The following NR1D2 variants were observed in gnomAD, a reference collection of about 807,000 sequenced individuals.
NR1D2 encodes the protein nuclear receptor subfamily 1 group D member 2, also known as V-erbA-related protein 1-related.
NR1D2 carries 25 observed loss-of-function variants against 52.2 expected under a neutral mutation model. The observed-to-expected ratio is 0.48, with a 90% confidence interval of 0.35 to 0.67. The LOEUF (loss-of-function observed/expected upper bound fraction) is 0.67. Ranked by LOEUF, NR1D2 falls within the 30% of genes least tolerant of loss-of-function variation. The pLI is 0.01. For missense variants in NR1D2, 681 were observed against 707.2 expected (o/e 0.96, Z 0.42); for synonymous variants, 259 against 230.1 (o/e 1.13, Z -1.14).
chr3:23,956,166 A>G, intron 3 of NR1D2, 41 bp downstream of exon 3: 1 of 1,506,912 alleles, frequency 6.6e-7, no homozygotes, highest in African/African-American at 1.4e-5. Context: ...TGATTCTGGG[A>G]TTTAAGAAGT....
chr3:23,953,231 T>C (rs1705990734), intron 1 of NR1D2, among the ~76,000 whole-genome samples: 1 of 149,590 alleles, frequency 6.7e-6, no homozygotes, highest in Non-Finnish European at 1.5e-5. Flanking sequence ...TAGTCCCAGC[T>C]ATTCAGGAGG....
Position 23,945,735 on chromosome 3 carries a change from G to T in NR1D2, c.16+141G>T, listed in dbSNP as rs544675101. On this transcript the variant is annotated intron_variant, in intron 1 of 7. Coordinates refer to ENST00000312521, the MANE Select transcript of NR1D2 (RefSeq NM_005126.5). ...TGCTGCGCGCCGCGTGTCCGCCTCT[G>T]GCTCGGTTCCCATCGCCCCCCGGGC... 1,532 of 580,018 alleles carry T rather than the reference G, an allele frequency of 2.6e-3. 8 individuals are homozygous for T. The highest frequency in any genetic ancestry group is 4.7e-3 in the Admixed American group (91 of 19,270). 35.9% of individuals were successfully genotyped at this position (580,018 alleles called of 1,614,324 possible). A position where few individuals can be genotyped will look rare whatever the true frequency, so the allele number is the denominator to read the frequency against.
At position 23,978,122 on chromosome 3, in the gene NR1D2, C is replaced by T. The variant is rs767265395; in HGVS notation, c.*703C>T. On this transcript the variant is annotated 3_prime_UTR_variant, in exon 8 of 8. Transcript: ENST00000312521. ...TCTAAGCCTTTCTGGGAAATCATTT[C>T]AGTCCACACCAACCATATTATTCAG... 6.6e-6 allele frequency: 1 copy of T among 152,254 alleles called. No homozygotes were observed. Among genetic ancestry groups the T allele is most frequent in the African/African-American group, 2.4e-5 (1 of 41,566 alleles). The allele number at this position is 152,254 out of a possible 1,614,324, so 9.4% of individuals were successfully genotyped here. A position where few individuals can be genotyped will look rare whatever the true frequency, so the allele number is the denominator to read the frequency against.
intron 3 of NR1D2, among the ~76,000 whole-genome samples, chr3:23,956,921 A>G (rs2125287064): frequency 6.6e-6 from 1 of 152,216 alleles, no homozygotes; most frequent in South Asian, 2.1e-4. Context: ...AAACAAGATA[A>G]TGAATATACA....
chr3:23,975,712 C>T lies in NR1D2; in HGVS notation c.1544-1511C>T, dbSNP rs935063038. Reference sequence around the variant, plus strand: ...GGCAGAGGTTGTAGTGAGCCGAGATCGCACCACTGCATTCCAGCCTGGGTG... The same window carrying T: ...GGCAGAGGTTGTAGTGAGCCGAGATTGCACCACTGCATTCCAGCCTGGGTG... On this transcript the variant is annotated intron_variant, in intron 7 of 7. Coordinates refer to ENST00000312521, the MANE Select transcript of NR1D2 (RefSeq NM_005126.5). Among the ~76,000 whole-genome samples the T allele has an allele frequency of 9.9e-5, 15 of 152,106 alleles. 1 individual carries two copies. The highest frequency in any genetic ancestry group is 7.2e-5 in the African/African-American group (3 of 41,486).
intron 1 of NR1D2, among the ~76,000 whole-genome samples, chr3:23,950,552 G>A (rs557402939): frequency 6.6e-6 from 1 of 152,242 alleles, no homozygotes; most frequent in South Asian, 2.1e-4. Context: ...TAACCCATTT[G>A]GGTTGCTATC....
chr3:23,962,252 T>A lies in NR1D2; in HGVS notation c.793T>A (p.Phe265Ile). 1 of 1,614,206 alleles carries A rather than the reference T, an allele frequency of 6.2e-7. No individual in the cohort carries two copies. The highest frequency in any genetic ancestry group is 8.5e-7 in the Non-Finnish European group (1 of 1,180,036). ...GMVTRAHKDT[F>I]MYNQEQQENS... is the part of the protein sequence containing the mutation. ...GGTGACCAGAGCTCACAAGGATACC[T>A]TTATGTATAATCAAGAGCAGCAAGA... The change falls in exon 5 of 8, where the codon TTT becomes ATT. Residue 265 changes from phenylalanine to isoleucine, a missense_variant. This residue lies in a region of NR1D2 where 475 missense variants were observed against 454.5 expected (regional missense o/e 1.05). Coordinates refer to ENST00000312521, the MANE Select transcript of NR1D2 (RefSeq NM_005126.5).
chr3:23,963,879 A>G (rs1382136876), intron 5 of NR1D2, among the ~76,000 whole-genome samples: 1 of 149,292 alleles, frequency 6.7e-6, no homozygotes, highest in Non-Finnish European at 1.5e-5. Flanking sequence ...GGCTGATTTT[A>G]CTAATAGAAT....
At chr3:23,958,665 A>G (rs1706150396) in intron 3 of NR1D2, among the ~76,000 whole-genome samples, 1 of 135,766 alleles carries the variant, frequency 7.4e-6, no homozygotes, top group Non-Finnish European at 1.6e-5. Context: ...AAAAAAAAAA[A>G]GCCTGGACAT....
chr3:23,970,059 T>C (rs527836148), intron 7 of NR1D2, among the ~76,000 whole-genome samples: 2 of 152,170 alleles, frequency 1.3e-5, no homozygotes, highest in Admixed American at 1.3e-4. Context: ...AACCAAAATA[T>C]GGGGCAGAAG....
intron 5 of NR1D2, chr3:23,963,164 G>A (rs1046569323): frequency 1.2e-5 from 9 of 742,350 alleles, no homozygotes; most frequent in Non-Finnish European, 1.9e-5. Flanking sequence ...ATGACTTAAT[G>A]TTGGTCATAT....
At chr3:23,961,123 A>T (rs537634858) in intron 4 of NR1D2, among the ~76,000 whole-genome samples, 21 of 151,476 alleles carry the variant, frequency 1.4e-4, no homozygotes, top group African/African-American at 4.4e-4. Context: ...TTTTTTTTTT[A>T]AAGAGGCTGG....
At chr3:23,974,119 A>G (rs1474642692) in intron 7 of NR1D2, among the ~76,000 whole-genome samples, 2 of 55,556 alleles carry the variant, frequency 3.6e-5, no homozygotes, top group African/African-American at 1.3e-4. Flanking sequence ...TTTTTTAAGT[A>G]GAAGGGACGG....
chr3:23,963,450 G>T, intron 5 of NR1D2: 1 of 1,153,976 alleles, frequency 8.7e-7, no homozygotes, highest in Non-Finnish European at 1.1e-6. Context: ...CTAAGTCGTT[G>T]CTTTTTTGTT....
rs145695234 is a variant in NR1D2 at position 23,969,769 on chromosome 3, G to A, written c.1543+1746G>A. ...ATGCTACTAAACCGTGTAGTTCTCT[G>A]TCTGAGGTAAGCTGGAGTTGTAGAA... On this transcript the variant is annotated intron_variant, in intron 7 of 7. Coordinates refer to ENST00000312521, the MANE Select transcript of NR1D2 (RefSeq NM_005126.5). Among the ~76,000 whole-genome samples the A allele has an allele frequency of 4.5e-3, 683 of 152,296 alleles. 6 individuals are homozygous for A. Among genetic ancestry groups the A allele is most frequent in the African/African-American group, 0.015 (635 of 41,562 alleles).
At chr3:23,952,093 C>T (rs1184815683) in intron 1 of NR1D2, among the ~76,000 whole-genome samples, 1 of 152,104 alleles carries the variant, frequency 6.6e-6, no homozygotes, top group African/African-American at 2.4e-5. Flanking sequence ...AGATCTGGAG[C>T]GGAGCCTGAT....
chr3:23,948,116 C>T (rs1399628999), intron 1 of NR1D2, among the ~76,000 whole-genome samples: 1 of 132,412 alleles, frequency 7.6e-6, no homozygotes, highest in Non-Finnish European at 1.6e-5. Context: ...AGACTCCCAT[C>T]TCAAAAAAAA....
In NR1D2 at chr3:23,945,522, G is replaced by GCGA; in HGVS notation, c.-55_-54insACG. The GCGA allele has an allele frequency of 9.1e-7, 1 of 1,096,888 alleles. No individual in the cohort carries two copies. 67.9% of individuals were successfully genotyped at this position (1,096,888 alleles called of 1,614,324 possible). A position where few individuals can be genotyped will look rare whatever the true frequency, so the allele number is the denominator to read the frequency against. On this transcript the variant is annotated 5_prime_UTR_variant, in exon 1 of 8. Coordinates refer to ENST00000312521, the MANE Select transcript of NR1D2 (RefSeq NM_005126.5). ...GCGGCGCGGCGCTGAGGCGGCGGCG[G>GCGA]CGGCGCTGCCCCCTCTGCGGGAAGC...
chr3:23,957,499 G>A (rs1422829240), intron 3 of NR1D2, among the ~76,000 whole-genome samples: 3 of 145,592 alleles, frequency 2.1e-5, no homozygotes, highest in Non-Finnish European at 4.5e-5. Flanking sequence ...GGCGGATCAC[G>A]AGGTCAGGAG....
Sources: gnomAD v4.1 joint callset for allele counts (sites outside exome capture counted in the v4.1 genomes callset) on GRCh38, gnomAD v4.1.1 for gene constraint, gnomAD v4.1.1 regional missense constraint, MANE v1.5 for transcripts, NCBI Gene and HGNC (gene_info 2026-07-23, HGNC 2026-07-21) for gene names.